Variants in KCNAB1 observed in about 807,000 individuals in gnomAD.
KCNAB1 encodes the protein potassium voltage-gated channel subfamily A regulatory beta subunit 1.
In KCNAB1, 35 loss-of-function variants were observed where a neutral mutation model predicts 64.6. The observed-to-expected ratio is 0.54, with a 90% CI of 0.41 to 0.72. KCNAB1 has a LOEUF of 0.72. Among genes scored for constraint, KCNAB1 ranks in the 30% least tolerant of loss-of-function variants. The pLI, the probability that KCNAB1 is intolerant of heterozygous loss-of-function variation, is 0.00. For missense variants in KCNAB1, 401 were observed against 512.9 expected, an observed-to-expected ratio of 0.78 and a Z score of 2.11; for synonymous variants, 177 against 183.8, an observed-to-expected ratio of 0.96 and a Z score of 0.30.
At chr3:156,228,617 T>C (rs1230054197) in intron 1 of KCNAB1, among the ~76,000 whole-genome samples, 1 of 152,154 alleles carries the variant, frequency 6.6e-6, no homozygotes, top group Non-Finnish European at 1.5e-5. Context: ...CACCTCTCCT[T>C]CTCATGTTGC....
intron 1 of KCNAB1, among the ~76,000 whole-genome samples, chr3:156,412,373 T>C (rs1714728463): frequency 1.3e-5 from 2 of 152,354 alleles, no homozygotes; most frequent in South Asian, 4.1e-4. Context: ...TGTCTTGCCT[T>C]ATTGTACTAT....
At chr3:156,228,027 C>A (rs1716290372) in intron 1 of KCNAB1, 1 of 152,236 alleles carries the variant, frequency 6.6e-6, no homozygotes, top group Admixed American at 6.5e-5. Flanking sequence ...TTTAAACTTA[C>A]CTTCTTGTTG....
At chr3:156,475,574 T>C (rs1714280287) in intron 8 of KCNAB1, among the ~76,000 whole-genome samples, 1 of 152,212 alleles carries the variant, frequency 6.6e-6, no homozygotes, top group Admixed American at 6.5e-5. Context: ...AATGAAGATA[T>C]TTGAGAAAAA....
At chr3:156,506,302 G>A (rs1716831212) in intron 8 of KCNAB1, among the ~76,000 whole-genome samples, 1 of 152,184 alleles carries the variant, frequency 6.6e-6, no homozygotes, top group African/African-American at 2.4e-5. Flanking sequence ...TCCTGCATAG[G>A]TGGTCTAGTG....
chr3:156,339,637 C>T (rs570377477), intron 1 of KCNAB1, among the ~76,000 whole-genome samples: 1 of 152,318 alleles, frequency 6.6e-6, no homozygotes, highest in African/African-American at 2.4e-5. Flanking sequence ...ATACCTGTGT[C>T]CATTGTCTGT....
At chr3:156,143,575 T>TG (rs1333101847) in intron 1 of KCNAB1, among the ~76,000 whole-genome samples, 3 of 17,324 alleles carry the variant, frequency 1.7e-4, no homozygotes, top group Admixed American at 1.2e-3. Context: ...TCTTGTTTTT[T>TG]TTTTTTTTTT....
At chr3:156,377,994 C>T (rs1369204121) in intron 1 of KCNAB1, among the ~76,000 whole-genome samples, 3 of 151,860 alleles carry the variant, frequency 2.0e-5, no homozygotes, top group Admixed American at 1.3e-4. Flanking sequence ...GTGTGGTATG[C>T]ATGGGGAGGA....
At chr3:156,174,549 C>T (rs1166047421) in intron 1 of KCNAB1, among the ~76,000 whole-genome samples, 1 of 152,188 alleles carries the variant, frequency 6.6e-6, no homozygotes, top group Non-Finnish European at 1.5e-5. Context: ...TGAGCCCTTC[C>T]CTGACACCCT....
chr3:156,431,540 C>G (rs1157378096), intron 2 of KCNAB1, among the ~76,000 whole-genome samples: 2 of 152,172 alleles, frequency 1.3e-5, no homozygotes, highest in African/African-American at 4.8e-5. Context: ...GAATGACCCT[C>G]CAGGGGCCAA....
chr3:156,179,144 T>C (rs539997892), intron 1 of KCNAB1, among the ~76,000 whole-genome samples: 2 of 151,986 alleles, frequency 1.3e-5, no homozygotes, highest in Admixed American at 1.3e-4. Flanking sequence ...GTCATTGAAA[T>C]AGATATGAAT....
chr3:156,245,379 C>T (rs963226), intron 1 of KCNAB1, among the ~76,000 whole-genome samples: 73,818 of 151,930 alleles, frequency 0.49, 18,927 homozygotes, highest in East Asian at 0.75. Flanking sequence ...ACCACATACC[C>T]TTCCCCTAAT....
In KCNAB1 at chr3:156,239,077, C is replaced by T. The variant is rs114774600; in HGVS notation, c.275+118191C>T. The stretch of plus-strand genomic sequence containing the variant: ...AATCAGAAGTGTTGGTGTGAAAAAC[C>T]ATAATAAATTTGAAGAATTTTATTT... On this transcript the variant is annotated intron_variant, in intron 1 of 13. Transcript: ENST00000490337. Among the ~76,000 whole-genome samples the T allele has an allele frequency of 9.7e-3, 1,474 of 152,214 alleles. 21 individuals carry two copies. The highest frequency in any genetic ancestry group is 0.034 in the African/African-American group (1,409 of 41,542).
chr3:156,130,738 C>T (rs1302305431), intron 1 of KCNAB1, among the ~76,000 whole-genome samples: 1 of 152,246 alleles, frequency 6.6e-6, no homozygotes, highest in Non-Finnish European at 1.5e-5. Flanking sequence ...TTCCACCACA[C>T]TATAAGGTTC....
intron 8 of KCNAB1, among the ~76,000 whole-genome samples, chr3:156,509,230 T>G (rs1384473784): frequency 6.6e-6 from 1 of 152,232 alleles, no homozygotes; most frequent in Non-Finnish European, 1.5e-5. Context: ...GACGTTTGTA[T>G]CCATTGAAAT....
chr3:156,495,863 G>T lies in KCNAB1; in HGVS notation c.659-18501G>T, dbSNP rs151255340. On this transcript the variant is annotated intron_variant, in intron 8 of 13. Transcript: ENST00000490337. The stretch of plus-strand genomic sequence containing the variant: ...AAAAGACCCTTAATATTAATGTAAG[G>T]GAGCATCTCAAAATGTCTCATGAAG... 2.9e-3 allele frequency among the ~76,000 whole-genome samples: 447 copies of T among 152,154 alleles called. 3 individuals carry two copies. The highest frequency in any genetic ancestry group is 0.01 in the African/African-American group (431 of 41,518).
chr3:156,288,850 G>A (rs527578887), intron 1 of KCNAB1, among the ~76,000 whole-genome samples: 27 of 152,310 alleles, frequency 1.8e-4, no homozygotes, highest in African/African-American at 6.0e-4. Context: ...AAACTAGAAC[G>A]TGCAGGATTT....
Position 156,496,640 on chromosome 3 carries a change from ACTAT to A in KCNAB1, c.659-17720_659-17717del, listed in dbSNP as rs566431659. ...CATACATTTTTATGATAAACCCAAA[ACTAT>A]CTAATACTACTTGTTTTTGTAGCCA... On this transcript the variant is annotated intron_variant, in intron 8 of 13. Transcript: ENST00000490337. 1.1e-3 allele frequency among the ~76,000 whole-genome samples: 172 copies of A among 152,306 alleles called. 2 individuals are homozygous for A. Among genetic ancestry groups the A allele is most frequent in the African/African-American group, 4.1e-3 (169 of 41,558 alleles).
chr3:156,537,322 T>C lies in KCNAB1; in HGVS notation c.*575T>C, dbSNP rs1032941075. The stretch of plus-strand genomic sequence containing the variant: ...ATAATTTTATATATTTTTTTTCTAT[T>C]TTCACATTCATACTAACAAGTTTTG... On this transcript the variant is annotated 3_prime_UTR_variant, in exon 14 of 14. Transcript: ENST00000490337. The C allele has an allele frequency of 9.0e-6, 3 of 331,810 alleles. No homozygotes were observed. Among genetic ancestry groups the C allele is most frequent in the African/African-American group, 6.3e-5 (3 of 47,320 alleles). 20.6% of individuals were successfully genotyped at this position (331,810 alleles called of 1,614,324 possible). A position where few individuals can be genotyped will look rare whatever the true frequency, so the allele number is the denominator to read the frequency against.
At chr3:156,349,017 A>G (rs2108080640) in intron 1 of KCNAB1, among the ~76,000 whole-genome samples, 1 of 152,340 alleles carries the variant, frequency 6.6e-6, no homozygotes, top group African/African-American at 2.4e-5. Context: ...GAAATCACGC[A>G]AGAAACATCC....
Sources: allele counts gnomAD v4.1 joint callset (sites outside exome capture counted in the v4.1 genomes callset), GRCh38; gene constraint gnomAD v4.1.1; transcripts MANE v1.5; gene names NCBI Gene and HGNC (gene_info 2026-07-23, HGNC 2026-07-21).